Variants in ZZEF1 observed in about 807,000 individuals in gnomAD.
ZZEF1 encodes the protein zinc finger ZZ-type and EF-hand domain containing 1.
ZZEF1 carries 157 observed loss-of-function variants against 342.8 expected under a neutral mutation model. The observed-to-expected ratio is 0.46, with a 90% CI of 0.40 to 0.52. The LOEUF is 0.52. Ranked by LOEUF, ZZEF1 falls within the 20% of genes least tolerant of loss-of-function variation. The probability of loss-of-function intolerance (pLI) is 0.00; values close to 1 mark genes in which losing one functional copy is unlikely to be tolerated. For missense variants in ZZEF1, 3,480 were observed against 3,725.6 expected, an observed-to-expected ratio of 0.93 and a Z score of 1.72; for synonymous variants, 1,505 against 1,429.1, an observed-to-expected ratio of 1.05 and a Z score of -1.20.
intron 37 of ZZEF1, 30 bp downstream of exon 37, chr17:4,049,678 G>A: frequency 6.2e-7 from 1 of 1,613,286 alleles, no homozygotes; most frequent in Non-Finnish European, 8.5e-7. Flanking sequence ...TTCAACCTGT[G>A]ATTCTGTGTA....
At chr17:4,051,133 G>C in intron 35 of ZZEF1, 90 bp from the exon 36 acceptor site, 1 of 1,573,176 alleles carries the variant, frequency 6.4e-7, no homozygotes. Flanking sequence ...AGAGCATGTG[G>C]TCGCAACTGG....
intron 2 of ZZEF1, among the ~76,000 whole-genome samples, chr17:4,117,899 C>T (rs1480719940): frequency 6.6e-6 from 1 of 152,130 alleles, no homozygotes; most frequent in Non-Finnish European, 1.5e-5. Flanking sequence ...CAACCACTGC[C>T]ATTACCACAG....
Position 4,014,273 on chromosome 17 carries a change from T to C in ZZEF1, c.8314+74A>G. On this transcript the variant is annotated intron_variant, in intron 50 of 54. Coordinates refer to ENST00000381638, the MANE Select transcript of ZZEF1 (RefSeq NM_015113.4). This position sits in a 1 kb window ranked among gnomAD's most constrained non-coding sequence, Gnocchi z 4.4. ...GGTGTTGGGTTTCAACATTCTCCAG[T>C]AAGTTCCCTTCTCAATATTAAGTTT... 3.1e-6 allele frequency: 5 copies of C among 1,610,562 alleles called. No individual in the cohort carries two copies. Among genetic ancestry groups the C allele is most frequent in the Non-Finnish European group, 4.2e-6 (5 of 1,176,966 alleles).
chr17:4,104,818 G>C lies in ZZEF1; in HGVS notation c.1395-7C>G, dbSNP rs759151994. On this transcript the variant is annotated splice_polypyrimidine_tract_variant and splice_region_variant and intron_variant, in intron 7 of 54. Transcript: ENST00000381638. ...CTCTGGGGTAGAACAGCAGCTATAA[G>C]CAAAGAGCAAAAACTTTTCACTTCT... 3 of 1,607,376 alleles carry C rather than the reference G, an allele frequency of 1.9e-6. No homozygotes were observed. The African/African-American group carries it at 4.0e-5, about 22-fold the overall frequency.
chr17:4,046,624 G>A (rs927709137), intron 37 of ZZEF1, among the ~76,000 whole-genome samples: 1 of 152,156 alleles, frequency 6.6e-6, no homozygotes, highest in African/African-American at 2.4e-5. Context: ...AAATGTGACT[G>A]TAAGACTGTC....
chr17:4,087,399 A>G, intron 14 of ZZEF1, 35 bp downstream of exon 14: 8 of 1,530,512 alleles, frequency 5.2e-6, no homozygotes, highest in Non-Finnish European at 7.1e-6. Context: ...TTTTCAGTTT[A>G]TGTGCTTATC....
intron 9 of ZZEF1, among the ~76,000 whole-genome samples, chr17:4,099,604 G>C (rs1567840807): frequency 2.7e-5 from 4 of 148,660 alleles, no homozygotes; most frequent in Non-Finnish European, 5.9e-5. Flanking sequence ...GGAGTGCAAT[G>C]GCGCAATCTC....
At chr17:4,070,405 T>C (rs1797430622) in intron 26 of ZZEF1, among the ~76,000 whole-genome samples, 1 of 152,192 alleles carries the variant, frequency 6.6e-6, no homozygotes, top group African/African-American at 2.4e-5. Context: ...TTAAGGTTTC[T>C]TTCCATTAAA....
At chr17:4,084,905 G>A (rs7207619) in intron 16 of ZZEF1, among the ~76,000 whole-genome samples, 22,506 of 152,140 alleles carry the variant, frequency 0.15, 1,786 homozygotes, top group African/African-American at 0.2. Context: ...TTGAGCCTTG[G>A]GCTTCGAGAC....
intron 21 of ZZEF1, chr17:4,076,015 CT>C (rs1346345380): frequency 6.6e-6 from 1 of 152,250 alleles, no homozygotes; most frequent in African/African-American, 2.4e-5. Flanking sequence ...TGTAATTTGC[CT>C]TTCAACATAC....
chr17:4,109,639 A>C lies in ZZEF1; in HGVS notation c.1277+14T>G. The stretch of plus-strand genomic sequence containing the variant: ...GCATGTTGAGGGGGCTGGAACATAG[A>C]GAGAATGACTTACTGAGTATTGTGC... On this transcript the variant is annotated intron_variant, in intron 6 of 54. Transcript: ENST00000381638. 1 of 1,613,832 alleles carries C rather than the reference A, an allele frequency of 6.2e-7. No homozygotes were observed. The highest frequency in any genetic ancestry group is 8.5e-7 in the Non-Finnish European group (1 of 1,179,770).
intron 16 of ZZEF1, among the ~76,000 whole-genome samples, chr17:4,085,072 A>G (rs1317840741): frequency 1.3e-5 from 2 of 152,208 alleles, no homozygotes; most frequent in East Asian, 3.8e-4. Flanking sequence ...TGATTGCACC[A>G]CTGCACTCCA....
At chr17:4,061,807 C>T (rs1421280292) in intron 30 of ZZEF1, among the ~76,000 whole-genome samples, 1 of 152,170 alleles carries the variant, frequency 6.6e-6, no homozygotes, top group African/African-American at 2.4e-5. Flanking sequence ...CTTTCCTCCC[C>T]ATCTCCAGTA....
intron 21 of ZZEF1, 98 bp downstream of exon 21, chr17:4,076,539 C>T: frequency 6.8e-7 from 1 of 1,473,146 alleles, no homozygotes; most frequent in Non-Finnish European, 9.1e-7. Context: ...AGAGGCTGCT[C>T]AGCTGTGCCT....
At position 4,032,896 on chromosome 17, in the gene ZZEF1, T is replaced by G; in HGVS notation, c.6691A>C (p.Lys2231Gln). Residue 2231 changes from lysine (K) to glutamine (Q), a missense_variant, in exon 41 of 55, where the codon AAG becomes CAG. Physicochemically the swap from Lys to Gln is moderately conservative, Grantham distance 53. This residue lies in a region of ZZEF1 where 1,269 missense variants were observed against 1,342.4 expected (regional missense o/e 0.95). Transcript: ENST00000381638. Reference protein sequence around the residue: ...VIATFTDHCIKQLPFQLKHTN... With the variant: ...VIATFTDHCIQQLPFQLKHTN... ...TGCTTCAGCTGGAATGGCAGCTGCT[T>G]GATGCAGTGGTCTGTGAAGGTGGCA... is the stretch of plus-strand genomic sequence containing the variant. The G allele has an allele frequency of 6.2e-7, 1 of 1,614,092 alleles. No individual in the cohort carries two copies. Among genetic ancestry groups the G allele is most frequent in the South Asian group, 1.1e-5 (1 of 91,066 alleles).
At chr17:4,044,813 C>T (rs2944608) in intron 37 of ZZEF1, among the ~76,000 whole-genome samples, 6 of 151,926 alleles carry the variant, frequency 3.9e-5, no homozygotes, top group Non-Finnish European at 7.4e-5. Flanking sequence ...TACCAGGCCT[C>T]GCCTATGCCA....
intron 31 of ZZEF1, 140 bp from the exon 32 acceptor site, chr17:4,058,295 C>A (rs1437405803): frequency 2.4e-6 from 2 of 840,480 alleles, no homozygotes; most frequent in East Asian, 5.4e-5. Flanking sequence ...CTTTCAAATT[C>A]CTCATACTCC....
Position 4,059,228 on chromosome 17 carries a change from T to C in ZZEF1, c.4946A>G (p.Tyr1649Cys). ...TTTGACCAAAAACAGAACAAGTTGATAGTAAGTGTCTCGAATTTCTTTGTG... is the reference window on the plus strand; with the variant it reads ...TTTGACCAAAAACAGAACAAGTTGACAGTAAGTGTCTCGAATTTCTTTGTG... ...DLHKEIRDTY[Y>C]QLVLFLVKAV... The change falls in exon 31 of 55, where the codon TAT becomes TGT. Residue 1649 changes from tyrosine (Y) to cysteine (C), a missense_variant. Physicochemically the swap from Tyr to Cys is radical, Grantham distance 194. Transcript: ENST00000381638. 6.2e-7 allele frequency: 1 copy of C among 1,608,606 alleles called. No individual in the cohort carries two copies.
chr17:4,104,765 G>C lies in ZZEF1; in HGVS notation c.1441C>G (p.Leu481Val). ...EVELTLLAFALARGSVAKVMS... is the reference protein window; with the variant it reads ...EVELTLLAFAVARGSVAKVMS... ...ACTTTGGCAACACTTCCTCTTGCGA[G>C]AGCAAAAGCCAGAAGAGTCAGTTCT... The change falls in exon 8 of 55, where the codon CTC (leucine) becomes GTC (valine). Residue 481 changes from leucine (L) to valine (V), a missense_variant. By Grantham distance (32) the Leu-to-Val change is conservative (BLOSUM62 1). Coordinates refer to ENST00000381638, the MANE Select transcript of ZZEF1 (RefSeq NM_015113.4). The C allele has an allele frequency of 6.2e-7, 1 of 1,614,132 alleles. No homozygotes were observed. The highest frequency in any genetic ancestry group is 8.5e-7 in the Non-Finnish European group (1 of 1,180,008).
Sources: allele counts gnomAD v4.1 joint callset (sites outside exome capture counted in the v4.1 genomes callset), GRCh38; gene constraint gnomAD v4.1.1; regional missense constraint gnomAD v4.1.1; non-coding constraint Gnocchi (gnomAD v3.1); transcripts MANE v1.5; gene names NCBI Gene and HGNC (gene_info 2026-07-23, HGNC 2026-07-21).